Variants in SUPT3H observed in about 807,000 individuals in gnomAD.
SUPT3H encodes the protein transcription initiation protein SPT3 homolog.
In SUPT3H, 44 loss-of-function variants were observed where a neutral mutation model predicts 44.3. The observed-to-expected ratio is 0.99, with a 90% confidence interval of 0.78 to 1.28. SUPT3H has a LOEUF of 1.28. Ranked by LOEUF, SUPT3H falls within the 50% of genes most tolerant of loss-of-function variation. The pLI is 0.00. For synonymous variants in SUPT3H, 124 were observed against 125.6 expected (o/e 0.99, Z 0.09); for missense variants, 380 against 387.1 (o/e 0.98, Z 0.15).
At chr6:44,984,850 C>G (rs535990841) in intron 6 of SUPT3H, among the ~76,000 whole-genome samples, 3 of 152,194 alleles carry the variant, frequency 2.0e-5, no homozygotes. Flanking sequence ...ACACAAAGTC[C>G]TTTACATAGT....
chr6:44,904,833 T>C (rs974210356), intron 10 of SUPT3H, among the ~76,000 whole-genome samples: 1 of 152,026 alleles, frequency 6.6e-6, no homozygotes, highest in Non-Finnish European at 1.5e-5. Flanking sequence ...TATAGACCAA[T>C]AGAACAGAAC....
intron 3 of SUPT3H, among the ~76,000 whole-genome samples, chr6:45,026,173 G>A (rs896992038): frequency 3.9e-5 from 6 of 152,104 alleles, no homozygotes; most frequent in Non-Finnish European, 7.4e-5. Context: ...CAGATTCTAG[G>A]TTAGGCTATG....
At chr6:44,917,311 T>C (rs957246863) in intron 10 of SUPT3H, among the ~76,000 whole-genome samples, 2 of 152,236 alleles carry the variant, frequency 1.3e-5, no homozygotes, top group African/African-American at 4.8e-5. Context: ...TCATTTAGGA[T>C]AATCATTTTA....
At chr6:45,258,262 T>A (rs1773745531) in intron 2 of SUPT3H, among the ~76,000 whole-genome samples, 2 of 152,236 alleles carry the variant, frequency 1.3e-5, no homozygotes, top group Non-Finnish European at 2.9e-5. Flanking sequence ...AAATGAGCGT[T>A]GTCAGCAAAC....
chr6:45,198,926 A>C (rs1816540350), intron 2 of SUPT3H, among the ~76,000 whole-genome samples: 1 of 151,334 alleles, frequency 6.6e-6, no homozygotes, highest in Non-Finnish European at 1.5e-5. Flanking sequence ...AATGCAACAG[A>C]ATAGCTTTAT....
intron 3 of SUPT3H, among the ~76,000 whole-genome samples, chr6:45,083,465 C>T (rs988664779): frequency 6.6e-6 from 1 of 152,040 alleles, no homozygotes; most frequent in South Asian, 2.1e-4. Flanking sequence ...GCTGGGATTG[C>T]AGGCATGAGC....
chr6:45,223,796 T>C (rs1766454845), intron 2 of SUPT3H, among the ~76,000 whole-genome samples: 1 of 151,480 alleles, frequency 6.6e-6, no homozygotes, highest in South Asian at 2.1e-4. Context: ...AATATAAGTA[T>C]AATCAAAGCT....
At chr6:45,279,329 T>G (rs1055310882) in intron 2 of SUPT3H, among the ~76,000 whole-genome samples, 2 of 152,154 alleles carry the variant, frequency 1.3e-5, no homozygotes, top group Non-Finnish European at 2.9e-5. Context: ...GTAGAGGTTA[T>G]GTGTATGTTT....
chr6:45,297,258 T>G (rs773310147), intron 2 of SUPT3H, among the ~76,000 whole-genome samples: 28 of 152,188 alleles, frequency 1.8e-4, no homozygotes, highest in Non-Finnish European at 3.2e-4. Context: ...GACTTTTGTC[T>G]TAGGTGCAGA....
intron 10 of SUPT3H, among the ~76,000 whole-genome samples, chr6:44,856,343 A>G (rs1457681071): frequency 1.3e-5 from 2 of 152,238 alleles, no homozygotes; most frequent in Admixed American, 1.3e-4. Flanking sequence ...TGCTTCTGCC[A>G]GAGGGAACTC....
intron 5 of SUPT3H, among the ~76,000 whole-genome samples, chr6:45,012,856 T>C (rs1783698291): frequency 1.3e-5 from 2 of 152,160 alleles, no homozygotes; most frequent in African/African-American, 4.8e-5. Context: ...ACTAGTACAA[T>C]GAAGTCTCTT....
At chr6:45,209,945 T>C (rs898787047) in intron 2 of SUPT3H, among the ~76,000 whole-genome samples, 34 of 152,176 alleles carry the variant, frequency 2.2e-4, no homozygotes, top group African/African-American at 6.7e-4. Flanking sequence ...CTATGACACA[T>C]TGAAGGTTCA....
intron 2 of SUPT3H, among the ~76,000 whole-genome samples, chr6:45,355,792 A>G (rs1360966658): frequency 6.6e-6 from 1 of 152,212 alleles, no homozygotes; most frequent in Non-Finnish European, 1.5e-5. Flanking sequence ...CTTGACTTAG[A>G]AATGGGTTGT....
At chr6:44,852,423 C>G (rs1773040807) in intron 10 of SUPT3H, among the ~76,000 whole-genome samples, 1 of 152,168 alleles carries the variant, frequency 6.6e-6, no homozygotes, top group East Asian at 1.9e-4. Context: ...CTTTGGAGGT[C>G]AAGTTTCAGC....
chr6:45,172,136 G>A (rs372387705), intron 2 of SUPT3H, among the ~76,000 whole-genome samples: 3 of 150,112 alleles, frequency 2.0e-5, no homozygotes, highest in African/African-American at 4.9e-5. Context: ...GCAGTGGCGC[G>A]ATCTCAGCTC....
intron 10 of SUPT3H, among the ~76,000 whole-genome samples, chr6:44,877,739 A>T (rs1281190944): frequency 6.6e-6 from 1 of 151,488 alleles, no homozygotes; most frequent in Non-Finnish European, 1.5e-5. Context: ...ATTATGTTCA[A>T]TTTTTTTTTG....
At chr6:44,950,093 T>C (rs925196044) in intron 9 of SUPT3H, among the ~76,000 whole-genome samples, 1 of 152,252 alleles carries the variant, frequency 6.6e-6, no homozygotes, top group Non-Finnish European at 1.5e-5. Flanking sequence ...GTTCTTTCTT[T>C]ATGGAGAAGT....
At chr6:45,075,373 C>G (rs1321129032) in intron 3 of SUPT3H, among the ~76,000 whole-genome samples, 1 of 152,062 alleles carries the variant, frequency 6.6e-6, no homozygotes, top group Non-Finnish European at 1.5e-5. Flanking sequence ...CTTGGCTTCT[C>G]TGACTACATG....
intron 2 of SUPT3H, among the ~76,000 whole-genome samples, chr6:45,285,973 G>A (rs7760298): frequency 3.7e-5 from 5 of 133,724 alleles, no homozygotes; most frequent in East Asian, 4.6e-4. Flanking sequence ...TTTGACAAAC[G>A]TGACAAAAAC....
Sources: allele counts gnomAD v4.1 joint callset (sites outside exome capture counted in the v4.1 genomes callset), GRCh38; gene constraint gnomAD v4.1.1; transcripts MANE v1.5; gene names NCBI Gene and HGNC (gene_info 2026-07-23, HGNC 2026-07-21).